RABGAP1L: variants seen among roughly 807,000 people sequenced by gnomAD.
RABGAP1L encodes the protein rab GTPase-activating protein 1-like.
RABGAP1L carries 63 observed loss-of-function variants against 137.7 expected under a neutral mutation model. That is an observed-to-expected ratio of 0.46 (90% CI 0.37 to 0.56). RABGAP1L has a LOEUF of 0.56. RABGAP1L is among the 20% of genes least tolerant of loss of function. RABGAP1L has a pLI of 0.00. For missense variants in RABGAP1L, 1,095 were observed against 1,244.0 expected, an observed-to-expected ratio of 0.88 and a Z score of 1.80; for synonymous variants, 431 against 433.7, an observed-to-expected ratio of 0.99 and a Z score of 0.08.
Position 174,852,916 on chromosome 1 carries a change from T to A in RABGAP1L, c.2340+40956T>A, listed in dbSNP as rs568058443. ...GGAGTATCACTAGTAGAAAAATGTTTCTATATTGTTAGGATAATCAAGTTT... is the reference window on the plus strand; with the variant it reads ...GGAGTATCACTAGTAGAAAAATGTTACTATATTGTTAGGATAATCAAGTTT... On this transcript the variant is annotated intron_variant, in intron 19 of 25. Coordinates refer to ENST00000681986, the MANE Select transcript of RABGAP1L (RefSeq NM_001366446.1). 2.6e-5 allele frequency among the ~76,000 whole-genome samples: 4 copies of A among 152,268 alleles called. No homozygotes were observed. The South Asian group carries it at 8.3e-4, about 32-fold the overall frequency.
intron 11 of RABGAP1L, among the ~76,000 whole-genome samples, chr1:174,344,736 A>G (rs1281484433): frequency 1.3e-5 from 2 of 152,218 alleles, no homozygotes; most frequent in Non-Finnish European, 2.9e-5. Context: ...AATAATAAGG[A>G]AAATATGTAT....
chr1:174,843,889 G>C (rs1693754617), intron 19 of RABGAP1L, among the ~76,000 whole-genome samples: 1 of 130,246 alleles, frequency 7.7e-6, no homozygotes, highest in East Asian at 2.3e-4. Flanking sequence ...TCCAGCACCT[G>C]TTGTTTCCTG....
chr1:174,814,504 C>G (rs1033339317), intron 19 of RABGAP1L, among the ~76,000 whole-genome samples: 8 of 152,074 alleles, frequency 5.3e-5, no homozygotes, highest in Admixed American at 2.0e-4. Context: ...CAGTATTGGG[C>G]TGGGATTGTG....
chr1:174,779,245 A>G (rs1014925396), intron 18 of RABGAP1L, among the ~76,000 whole-genome samples: 1 of 152,142 alleles, frequency 6.6e-6, no homozygotes, highest in African/African-American at 2.4e-5. Context: ...GAGCCTTCCT[A>G]GCCCTTATGT....
intron 13 of RABGAP1L, among the ~76,000 whole-genome samples, chr1:174,409,181 CAGA>C (rs1649620220): frequency 6.6e-6 from 1 of 152,104 alleles, no homozygotes; most frequent in South Asian, 2.1e-4. Context: ...GGAGCTGCGG[CAGA>C]AGAACATAAA....
intron 13 of RABGAP1L, among the ~76,000 whole-genome samples, chr1:174,564,309 C>T (rs1488612493): frequency 6.6e-6 from 1 of 152,108 alleles, no homozygotes; most frequent in African/African-American, 2.4e-5. Flanking sequence ...AGATCTGTCA[C>T]ATATATTATG....
chr1:174,443,996 G>A (rs1654451633), intron 13 of RABGAP1L, among the ~76,000 whole-genome samples: 1 of 151,900 alleles, frequency 6.6e-6, no homozygotes, highest in South Asian at 2.1e-4. Context: ...CTATAAATGT[G>A]TAGATTTATT....
Position 174,599,063 on chromosome 1 carries a change from G to T in RABGAP1L, c.1711-38312G>T, listed in dbSNP as rs78749170. ...TTTGTGAAGGTTCTCCTCTCTGATG[G>T]TGTTTTAATTTCTTGCCATTTTTGT... On this transcript the variant is annotated intron_variant, in intron 13 of 25. Coordinates refer to ENST00000681986, the MANE Select transcript of RABGAP1L (RefSeq NM_001366446.1). Among the ~76,000 whole-genome samples the T allele has an allele frequency of 7.7e-3, 1,166 of 151,016 alleles. 11 individuals carry two copies. The highest frequency in any genetic ancestry group is 0.026 in the African/African-American group (1,074 of 41,056).
chr1:174,914,669 A>C (rs1371305385), intron 19 of RABGAP1L, among the ~76,000 whole-genome samples: 2 of 152,012 alleles, frequency 1.3e-5, no homozygotes, highest in Non-Finnish European at 2.9e-5. Context: ...AAACTTTTTC[A>C]ACAGCCTTAT....
chr1:174,867,382 A>C (rs910849641), intron 19 of RABGAP1L, among the ~76,000 whole-genome samples: 1 of 152,088 alleles, frequency 6.6e-6, no homozygotes, highest in Admixed American at 6.6e-5. Flanking sequence ...TGTTGGATGC[A>C]ATATAAGTTT....
intron 14 of RABGAP1L, among the ~76,000 whole-genome samples, chr1:174,674,303 T>A (rs1677421612): frequency 6.9e-6 from 1 of 145,616 alleles, no homozygotes. Context: ...GTGTTCTCAT[T>A]GTTCAATTCC....
intron 13 of RABGAP1L, among the ~76,000 whole-genome samples, chr1:174,615,474 G>A (rs563653587): frequency 2.0e-5 from 3 of 152,246 alleles, no homozygotes; most frequent in East Asian, 1.9e-4. Flanking sequence ...GTCAGGTGTC[G>A]GTCTGCCCCT....
chr1:174,598,553 A>G (rs1471751442), intron 13 of RABGAP1L, among the ~76,000 whole-genome samples: 3 of 152,132 alleles, frequency 2.0e-5, no homozygotes, highest in East Asian at 3.8e-4. Flanking sequence ...TTTCTTAGCT[A>G]TAATAATATT....
At position 174,992,926 on chromosome 1, in the gene RABGAP1L, C is replaced by T. The variant is rs140943955; in HGVS notation, c.*2925C>T. 44 of 152,330 alleles carry T rather than the reference C, an allele frequency of 2.9e-4. No homozygotes were observed. The highest frequency in any genetic ancestry group is 9.6e-4 in the African/African-American group (40 of 41,568). The allele number at this position is 152,330 out of a possible 1,614,324, so 9.4% of individuals were successfully genotyped here. A position where few individuals can be genotyped will look rare whatever the true frequency, so the allele number is the denominator to read the frequency against. On this transcript the variant is annotated 3_prime_UTR_variant, in exon 26 of 26. Transcript: ENST00000681986. ...GTGTTTTTCATCCTTTGCTAGGATG[C>T]ACTCTGTACAAAACATTCCTCTGAA...
chr1:174,272,380 C>T, intron 7 of RABGAP1L, 34 bp from the exon 8 acceptor site: 1 of 1,596,612 alleles, frequency 6.3e-7, no homozygotes, highest in Non-Finnish European at 8.5e-7. Context: ...TTCTTGATAC[C>T]TTATTTCTCC....
intron 12 of RABGAP1L, among the ~76,000 whole-genome samples, chr1:174,375,361 TAAG>T (rs1380639230): frequency 6.6e-6 from 1 of 151,212 alleles, no homozygotes; most frequent in Non-Finnish European, 1.5e-5. Flanking sequence ...AGCAAGGAAA[TAAG>T]AACAGAAATA....
At chr1:174,312,716 G>A (rs1678974368) in intron 11 of RABGAP1L, among the ~76,000 whole-genome samples, 1 of 152,078 alleles carries the variant, frequency 6.6e-6, no homozygotes, top group African/African-American at 2.4e-5. Flanking sequence ...GTTTCTTATA[G>A]TAGTTTTATA....
intron 11 of RABGAP1L, among the ~76,000 whole-genome samples, chr1:174,315,425 G>C (rs941965585): frequency 2.6e-5 from 4 of 152,092 alleles, no homozygotes; most frequent in Non-Finnish European, 5.9e-5. Context: ...ACAGATCAAT[G>C]GGTTTTGCTT....
At chr1:174,822,343 A>G (rs1415126695) in intron 19 of RABGAP1L, among the ~76,000 whole-genome samples, 7 of 152,022 alleles carry the variant, frequency 4.6e-5, no homozygotes, top group Non-Finnish European at 1.0e-4. Context: ...TTCTATTAAC[A>G]CTCATAGTCT....
Sources: gnomAD v4.1 joint callset for allele counts (sites outside exome capture counted in the v4.1 genomes callset) on GRCh38, gnomAD v4.1.1 for gene constraint, MANE v1.5 for transcripts, NCBI Gene and HGNC (gene_info 2026-07-23, HGNC 2026-07-21) for gene names.